Variants in FAM131B observed in about 807,000 individuals in gnomAD.
FAM131B encodes the protein protein FAM131B.
A neutral mutation model predicts 42.0 loss-of-function variants in FAM131B; 19 were observed. The ratio of observed to expected loss-of-function variants is 0.45; its 90% CI spans 0.32 to 0.66. FAM131B has a LOEUF of 0.66. Ranked by LOEUF, FAM131B falls within the 30% of genes least tolerant of loss-of-function variation. The pLI, the probability that FAM131B is intolerant of heterozygous loss-of-function variation, is 0.05. For missense variants in FAM131B, 370 were observed against 468.4 expected (o/e 0.79, Z 1.94); for synonymous variants, 183 against 177.6 (o/e 1.03, Z -0.24).
chr7:143,370,077 G>T, the FAM131B span, among the ~76,000 whole-genome samples: 1 of 152,298 alleles, frequency 6.6e-6, no homozygotes, highest in Non-Finnish European at 1.5e-5. Flanking sequence ...TCATGTATAT[G>T]CATGAGGTGG....
upstream of FAM131B, among the ~76,000 whole-genome samples, chr7:143,367,312 G>A: frequency 6.6e-6 from 1 of 152,212 alleles, no homozygotes; most frequent in Admixed American, 6.5e-5. Flanking sequence ...CACTATGAAA[G>A]AGACCAGCAC....
At chr7:143,382,252 TC>T in the FAM131B span, 1 of 1,612,240 alleles carries the variant, frequency 6.2e-7, no homozygotes, top group Non-Finnish European at 8.5e-7. Context: ...CCCCAGACTT[TC>T]CCCTGCCTCC....
chr7:143,369,600 A>C, the FAM131B span, among the ~76,000 whole-genome samples: 1 of 150,018 alleles, frequency 6.7e-6, no homozygotes, highest in Non-Finnish European at 1.5e-5. Context: ...GCTTGAACCC[A>C]GGAGGTGGAG....
At position 143,359,804 on chromosome 7, in the gene FAM131B, C is replaced by T. The variant is rs771689749; in HGVS notation, c.139-37G>A. 1.3e-6 allele frequency: 2 copies of T among 1,549,384 alleles called. No homozygotes were observed. Among genetic ancestry groups the T allele is most frequent in the African/African-American group, 2.7e-5 (2 of 73,272 alleles). On this transcript the variant is annotated intron_variant, in intron 2 of 6. Coordinates refer to ENST00000443739, the MANE Select transcript of FAM131B (RefSeq NM_001031690.3). This position sits in a 1 kb window ranked among gnomAD's most constrained non-coding sequence, Gnocchi z 5.4. ...GAGGAAAGGGAATGGGCATCCCAGTCACTCGCAGGAATGCAAGGAAGCCCC... is the reference window on the plus strand; with the variant it reads ...GAGGAAAGGGAATGGGCATCCCAGTTACTCGCAGGAATGCAAGGAAGCCCC...
the FAM131B span, among the ~76,000 whole-genome samples, chr7:143,370,240 C>T: frequency 6.6e-6 from 1 of 152,134 alleles, no homozygotes; most frequent in Non-Finnish European, 1.5e-5. Context: ...TCTCTCACAG[C>T]CAAAATTTTT....
chr7:143,368,198 G>A, the FAM131B span, among the ~76,000 whole-genome samples: 1 of 152,204 alleles, frequency 6.6e-6, no homozygotes, highest in Non-Finnish European at 1.5e-5. Flanking sequence ...CAAGGAGGCA[G>A]GGCATAGAGT....
chr7:143,380,709 T>C, the FAM131B span: 3 of 985,174 alleles, frequency 3.0e-6, no homozygotes, highest in Admixed American at 1.8e-4. This position sits in a 1 kb window ranked among gnomAD's most constrained non-coding sequence, Gnocchi z 5.0. Context: ...AGGTTCCGGC[T>C]CACACACCCC....
At chr7:143,364,901 C>G (rs1484299057), upstream of FAM131B, among the ~76,000 whole-genome samples, 1 of 152,146 alleles carries the variant, frequency 6.6e-6, no homozygotes, top group Non-Finnish European at 1.5e-5. Flanking sequence ...ATAAAATGAT[C>G]AGGCAAGACA....
chr7:143,381,794 T>G, the FAM131B span: 2 of 1,538,228 alleles, frequency 1.3e-6, no homozygotes, highest in South Asian at 2.4e-5. Flanking sequence ...GCGGCGGGGC[T>G]TGGGGAATGT....
At position 143,360,091 on chromosome 7, in the gene FAM131B, C is replaced by T; in HGVS notation, c.87G>A (p.Met29Ile). The T allele has an allele frequency of 6.2e-7, 1 of 1,614,030 alleles. No homozygotes were observed. The highest frequency in any genetic ancestry group is 8.5e-7 in the Non-Finnish European group (1 of 1,180,002). Residue 29 changes from methionine (M) to isoleucine (I), a missense_variant, in exon 2 of 7, where the codon ATG becomes ATA. Transcript: ENST00000443739. ...KGLKDVDQIN[M>I]DSTSSLHGSS... ...TCCCGTGCAGTGAGCTGGTGCTGTC[C>T]ATGTTGATTTGATCGACATCCTTCA...
the FAM131B span, chr7:143,381,739 G>C: frequency 1.3e-6 from 2 of 1,595,316 alleles, no homozygotes; most frequent in Non-Finnish European, 1.7e-6. Flanking sequence ...AGCGCGCACA[G>C]ATGGGCCGGG....
upstream of FAM131B, among the ~76,000 whole-genome samples, chr7:143,367,629 C>T (rs754760874): frequency 4.6e-5 from 7 of 152,036 alleles, no homozygotes; most frequent in East Asian, 1.9e-4. Flanking sequence ...CGCTTGAACC[C>T]GGGAGGTGGA....
At chr7:143,375,619 G>A in the FAM131B span, among the ~76,000 whole-genome samples, 1 of 152,154 alleles carries the variant, frequency 6.6e-6, no homozygotes, top group African/African-American at 2.4e-5. Flanking sequence ...TTCTTTATAT[G>A]AAGCCCACCT....
Position 143,362,456 on chromosome 7 carries a change from C to T in FAM131B, c.28+120G>A. 2.6e-6 allele frequency: 1 copy of T among 379,440 alleles called. No individual in the cohort carries two copies. Among genetic ancestry groups the T allele is most frequent in the African/African-American group, 2.1e-5 (1 of 47,246 alleles). 23.5% of individuals were successfully genotyped at this position (379,440 alleles called of 1,614,324 possible). A position where few individuals can be genotyped will look rare whatever the true frequency, so the allele number is the denominator to read the frequency against. ...GGCGGACGGAAGGAAAGTGAAGGAG[C>T]TAGCAGGGCAAGGCGGGTGCGGAGC... On this transcript the variant is annotated intron_variant, in intron 1 of 6. Transcript: ENST00000443739. This position sits in a 1 kb window ranked among gnomAD's most constrained non-coding sequence, Gnocchi z 7.7.
In FAM131B at chr7:143,359,760, C is replaced by A. The variant is rs1336634388; in HGVS notation, c.146G>T (p.Arg49Leu). The change falls in exon 3 of 7, where the codon CGA (arginine) becomes CTA (leucine). Residue 49 changes from arginine to leucine, a missense_variant. Arg to Leu is a moderately radical substitution (Grantham distance 102). Coordinates refer to ENST00000443739, the MANE Select transcript of FAM131B (RefSeq NM_001031690.3). This position sits in a 1 kb window ranked among gnomAD's most constrained non-coding sequence, Gnocchi z 5.4. ...GATGCCGTCCCAGGAGAAATCAGTT[C>A]GAGTTTGCTGTGAGGAGAGAGGAAA... ...SLHRPSTEQT[R>L]TDFSWDGINL... is the part of the protein sequence containing the mutation. 6.4e-7 allele frequency: 1 copy of A among 1,569,498 alleles called. No individual in the cohort carries two copies. Among genetic ancestry groups the A allele is most frequent in the South Asian group, 1.2e-5 (1 of 85,236 alleles).
In FAM131B at chr7:143,358,462, A is replaced by G. The variant is rs925965819; in HGVS notation, c.466+365T>C. Among the ~76,000 whole-genome samples, 11 of 152,146 alleles carry G rather than the reference A, an allele frequency of 7.2e-5. No homozygotes were observed. Among genetic ancestry groups the G allele is most frequent in the Non-Finnish European group, 1.6e-4 (11 of 68,038 alleles). On this transcript the variant is annotated intron_variant, in intron 5 of 6. Coordinates refer to ENST00000443739, the MANE Select transcript of FAM131B (RefSeq NM_001031690.3). This position sits in a 1 kb window ranked among gnomAD's most constrained non-coding sequence, Gnocchi z 4.7. ...AGGCAAATTCATGACTCGAAATGCT[A>G]AAGGGCAAAGGCTAAAAGAGATCCC...
chr7:143,380,782 T>A, the FAM131B span: 486 of 984,868 alleles, frequency 4.9e-4, no homozygotes, highest in Non-Finnish European at 5.7e-4. The surrounding 1 kb of genome is among the most constrained non-coding windows in gnomAD (Gnocchi z 5.0). Context: ...TCACCCCCCA[T>A]CCCCGTGCAC....
the FAM131B span, chr7:143,382,215 C>A: frequency 8.8e-6 from 14 of 1,588,208 alleles, no homozygotes; most frequent in Non-Finnish European, 1.2e-5. Context: ...GGTAGAGGGA[C>A]CCCGGCCGAC....
rs768172165 is a variant in FAM131B, at chr7:143,359,654, C to T, written c.174+78G>A. 7.3e-5 allele frequency: 99 copies of T among 1,362,028 alleles called. No individual in the cohort carries two copies. Among genetic ancestry groups the T allele is most frequent in the Non-Finnish European group, 9.4e-5 (92 of 973,930 alleles). The allele number at this position is 1,362,028 out of a possible 1,614,324, so 84.4% of individuals were successfully genotyped here. On this transcript the variant is annotated intron_variant, in intron 3 of 6. Transcript: ENST00000443739. This position sits in a 1 kb window ranked among gnomAD's most constrained non-coding sequence, Gnocchi z 5.4. Reference sequence around the variant, plus strand: ...CCTATTGGAGCCAGGGAATACCGTGCTGGTTGGAAGGTGCAAGGGAGAAGA... The same window carrying T: ...CCTATTGGAGCCAGGGAATACCGTGTTGGTTGGAAGGTGCAAGGGAGAAGA...
Sources: allele counts gnomAD v4.1 joint callset (sites outside exome capture counted in the v4.1 genomes callset), GRCh38; gene constraint gnomAD v4.1.1; non-coding constraint Gnocchi (gnomAD v3.1); transcripts MANE v1.5; gene names NCBI Gene and HGNC (gene_info 2026-07-23, HGNC 2026-07-21).